C2orf92: variants seen among roughly 807,000 people sequenced by gnomAD.
The protein encoded by C2orf92 is uncharacterized protein C2orf92.
chr2:97,701,031 G>A (rs965331087), intron 6 of C2orf92, 123 bp from the exon 7 acceptor site: 24 of 386,552 alleles, frequency 6.2e-5, no homozygotes, highest in Non-Finnish European at 7.8e-5. Flanking sequence ...GCGCCCGGCC[G>A]AGATGCCAAG....
intron 1 of C2orf92, chr2:97,671,683 CT>C (rs1375511271): frequency 1.1e-4 from 42 of 385,146 alleles, no homozygotes; most frequent in Non-Finnish European, 7.8e-5. Context: ...TGATAAACAC[CT>C]CAAAAGGACC....
At chr2:97,676,449 G>A (rs6743574) in intron 3 of C2orf92, among the ~76,000 whole-genome samples, 10,092 of 97,644 alleles carry the variant, frequency 0.1, 678 homozygotes, top group African/African-American at 0.23. Context: ...AAAAAAAAAA[G>A]AAAAAAAAAA....
chr2:97,700,909 T>A (rs951049358), intron 6 of C2orf92, among the ~76,000 whole-genome samples: 15 of 152,086 alleles, frequency 9.9e-5, no homozygotes, highest in Non-Finnish European at 8.8e-5. Flanking sequence ...TTTTTTGTAT[T>A]TTTAGTAGAG....
chr2:97,686,730 A>G (rs1194059800), intron 3 of C2orf92, among the ~76,000 whole-genome samples: 1 of 150,826 alleles, frequency 6.6e-6, no homozygotes, highest in Non-Finnish European at 1.5e-5. Flanking sequence ...GTTTCAGTTG[A>G]TTTAAAAGTT....
chr2:97,676,940 A>G (rs1675604069), intron 3 of C2orf92, among the ~76,000 whole-genome samples: 1 of 152,168 alleles, frequency 6.6e-6, no homozygotes, highest in Non-Finnish European at 1.5e-5. Context: ...TAAGGCCCAG[A>G]TGGAAGATGG....
chr2:97,688,749 C>T (rs1292589311), intron 3 of C2orf92, 146 bp from the exon 4 acceptor site: 10 of 393,732 alleles, frequency 2.5e-5, no homozygotes, highest in Non-Finnish European at 4.5e-5. Flanking sequence ...CTTCCCAAGA[C>T]AAGGCATTTT....
At chr2:97,681,261 A>G (rs1322728766) in intron 3 of C2orf92, among the ~76,000 whole-genome samples, 1 of 152,190 alleles carries the variant, frequency 6.6e-6, no homozygotes. Context: ...TCAAGAGCAT[A>G]TGGAATATTT....
intron 5 of C2orf92, among the ~76,000 whole-genome samples, chr2:97,697,517 G>A (rs1573228661): frequency 6.6e-6 from 1 of 152,152 alleles, no homozygotes; most frequent in East Asian, 1.9e-4. Flanking sequence ...ATTAATCTGA[G>A]TCGGATTTGA....
At chr2:97,674,881 AG>A (rs1167901139) in intron 2 of C2orf92, among the ~76,000 whole-genome samples, 1 of 152,190 alleles carries the variant, frequency 6.6e-6, no homozygotes, top group Admixed American at 6.5e-5. Flanking sequence ...TCCTTGTAAC[AG>A]GAGCTATGAG....
intron 7 of C2orf92, among the ~76,000 whole-genome samples, chr2:97,701,654 T>G (rs773461850): frequency 6.6e-6 from 1 of 152,142 alleles, no homozygotes; most frequent in Non-Finnish European, 1.5e-5. Flanking sequence ...AAAATACAAA[T>G]CTAAGAGGGT....
chr2:97,681,866 A>AG (rs540400672), intron 3 of C2orf92, among the ~76,000 whole-genome samples: 325 of 151,732 alleles, frequency 2.1e-3, no homozygotes, highest in Non-Finnish European at 3.7e-3. Context: ...CAAAAAAAAA[A>AG]GGGGGGGGAT....
chr2:97,692,181 G>C (rs1676161368), intron 5 of C2orf92, among the ~76,000 whole-genome samples: 1 of 152,044 alleles, frequency 6.6e-6, no homozygotes, highest in Non-Finnish European at 1.5e-5. Flanking sequence ...TATTTTCACT[G>C]TGTGTTAAAG....
chr2:97,673,048 AT>A (rs1328709414), intron 1 of C2orf92, among the ~76,000 whole-genome samples: 1 of 152,238 alleles, frequency 6.6e-6, no homozygotes, highest in Non-Finnish European at 1.5e-5. Context: ...ACCCTTGTGA[AT>A]TAGCAACAGC....
At chr2:97,667,626 G>T (rs1675276441), upstream of C2orf92, among the ~76,000 whole-genome samples, 1 of 151,852 alleles carries the variant, frequency 6.6e-6, no homozygotes, top group Non-Finnish European at 1.5e-5. Flanking sequence ...TAGAGATGGG[G>T]TTTCACCGTG....
chr2:97,692,859 G>T (rs1473098086), intron 5 of C2orf92, among the ~76,000 whole-genome samples: 1 of 152,188 alleles, frequency 6.6e-6, no homozygotes, highest in African/African-American at 2.4e-5. Context: ...AATGCCTCTT[G>T]AGTTTCCTGA....
chr2:97,697,859 C>T (rs1478186274), intron 5 of C2orf92: 1 of 152,082 alleles, frequency 6.6e-6, no homozygotes, highest in Non-Finnish European at 1.5e-5. Context: ...TTTCTAGTAG[C>T]TGGGACTATA....
At chr2:97,685,756 T>G (rs2104571762) in intron 3 of C2orf92, among the ~76,000 whole-genome samples, 1 of 152,000 alleles carries the variant, frequency 6.6e-6, no homozygotes, top group African/African-American at 2.4e-5. Flanking sequence ...AGAGATGGGG[T>G]TTTGCCATGT....
chr2:97,695,258 CTA>C (rs1467723800), intron 5 of C2orf92, among the ~76,000 whole-genome samples: 28 of 152,282 alleles, frequency 1.8e-4, no homozygotes, highest in African/African-American at 6.5e-4. Flanking sequence ...AGTTTCTGCT[CTA>C]TGTTTTTCTC....
chr2:97,691,297 A>T (rs1676127685), intron 5 of C2orf92: 1 of 152,718 alleles, frequency 6.5e-6, no homozygotes, highest in Non-Finnish European at 1.5e-5. Flanking sequence ...AGCTAGCCGC[A>T]GACACCTGGT....
Sources: allele counts gnomAD v4.1 joint callset (sites outside exome capture counted in the v4.1 genomes callset), GRCh38; gene constraint gnomAD v4.1.1; transcripts MANE v1.5; gene names NCBI Gene and HGNC (gene_info 2026-07-23, HGNC 2026-07-21).